Variants in PTPRN2 observed in about 807,000 individuals in gnomAD.
The protein encoded by PTPRN2 is protein tyrosine phosphatase receptor type N2.
PTPRN2 carries 74 observed loss-of-function variants against 118.8 expected under a neutral mutation model. That is an observed-to-expected ratio of 0.62 (90% CI 0.52 to 0.76). The LOEUF (loss-of-function observed/expected upper bound fraction) is 0.76. PTPRN2 is among the 30% of genes least tolerant of loss of function. PTPRN2 has a pLI of 0.00. For synonymous variants in PTPRN2, 641 were observed against 608.0 expected, an observed-to-expected ratio of 1.05 and a Z score of -0.80; for missense variants, 1,481 against 1,394.4, an observed-to-expected ratio of 1.06 and a Z score of -0.99.
chr7:157,578,457 C>G (rs1319304079), intron 17 of PTPRN2, among the ~76,000 whole-genome samples: 1 of 152,194 alleles, frequency 6.6e-6, no homozygotes, highest in Non-Finnish European at 1.5e-5. Flanking sequence ...CCACACATAA[C>G]AGCCAGCACT....
chr7:157,853,337 C>T (rs549355862), intron 12 of PTPRN2, among the ~76,000 whole-genome samples: 3 of 152,256 alleles, frequency 2.0e-5, no homozygotes, highest in South Asian at 2.1e-4. Flanking sequence ...TCAACAGGCA[C>T]GGCCCGCAGA....
intron 9 of PTPRN2, among the ~76,000 whole-genome samples, chr7:158,118,088 T>C (rs1174104144): frequency 2.0e-5 from 3 of 152,222 alleles, no homozygotes; most frequent in Non-Finnish European, 4.4e-5. Context: ...AAGAGACTAG[T>C]ACATATCTTA....
chr7:158,192,315 T>G lies in PTPRN2; in HGVS notation c.549+12A>C. The G allele has an allele frequency of 6.9e-7, 1 of 1,455,180 alleles. No homozygotes were observed. Among genetic ancestry groups the G allele is most frequent in the African/African-American group, 1.5e-5 (1 of 67,216 alleles). 90.1% of individuals were successfully genotyped at this position (1,455,180 alleles called of 1,614,324 possible). On this transcript the variant is annotated intron_variant, in intron 5 of 22. Coordinates refer to ENST00000389418, the MANE Select transcript of PTPRN2 (RefSeq NM_002847.5). ...AGCCAACCCCGGCCCGGGGAGGAAG[T>G]GGAAGGGTCACCTCAGCGGGGGGTC... is the stretch of plus-strand genomic sequence containing the variant.
intron 2 of PTPRN2, among the ~76,000 whole-genome samples, chr7:158,396,770 G>A (rs1157221462): frequency 1.3e-5 from 2 of 152,222 alleles, no homozygotes; most frequent in Non-Finnish European, 2.9e-5. Flanking sequence ...ACACACCAGC[G>A]GTGACCCGCC....
intron 3 of PTPRN2, among the ~76,000 whole-genome samples, chr7:158,316,536 C>A (rs989765513): frequency 1.3e-5 from 2 of 152,200 alleles, no homozygotes; most frequent in South Asian, 4.1e-4. Context: ...AAGCAGCCGA[C>A]GCCTGCCTAC....
chr7:157,788,882 G>A (rs923635680), intron 12 of PTPRN2, among the ~76,000 whole-genome samples: 6 of 152,218 alleles, frequency 3.9e-5, no homozygotes, highest in South Asian at 2.1e-4. Context: ...GCTGGAGGCC[G>A]CTGGAACCAC....
chr7:157,899,162 C>G (rs2128751939), intron 11 of PTPRN2, among the ~76,000 whole-genome samples: 1 of 152,328 alleles, frequency 6.6e-6, no homozygotes, highest in South Asian at 2.1e-4. Context: ...GAAGGCAAAG[C>G]TGAATGTGTG....
chr7:157,967,124 C>A (rs1802000714), intron 11 of PTPRN2, among the ~76,000 whole-genome samples: 1 of 152,110 alleles, frequency 6.6e-6, no homozygotes, highest in South Asian at 2.1e-4. Context: ...GTTTGAGAAC[C>A]ACCTGGGCAA....
Position 158,205,956 on chromosome 7 carries a change from G to A in PTPRN2, c.278-683C>T, listed in dbSNP as rs73746426. 8.6e-3 allele frequency among the ~76,000 whole-genome samples: 1,309 copies of A among 152,264 alleles called. 23 individuals are homozygous for A. Among genetic ancestry groups the A allele is most frequent in the African/African-American group, 0.03 (1,236 of 41,552 alleles). ...AGTTCTGACAAGCCTCACCACCATGGGCTAAAGTGCTCTGGGGTCCTAAAT... is the reference window on the plus strand; with the variant it reads ...AGTTCTGACAAGCCTCACCACCATGAGCTAAAGTGCTCTGGGGTCCTAAAT... On this transcript the variant is annotated intron_variant, in intron 3 of 22. Transcript: ENST00000389418.
chr7:157,548,582 G>A (rs1424533696), intron 22 of PTPRN2, among the ~76,000 whole-genome samples: 1 of 152,234 alleles, frequency 6.6e-6, no homozygotes, highest in Non-Finnish European at 1.5e-5. Context: ...GAGAGGCCGG[G>A]CAGCGCTCAG....
rs530093923 is a variant in PTPRN2 at position 158,557,685 on chromosome 7, T to G, written c.112+29873A>C. 6.0e-4 allele frequency among the ~76,000 whole-genome samples: 91 copies of G among 152,348 alleles called. 1 individual carries two copies. The highest frequency in any genetic ancestry group is 1.2e-3 in the Non-Finnish European group (81 of 68,034). ...TCACACCTTTAGAACCCACTGAGAT[T>G]TCTAAAGCTCCTCCTCTAGTGAGCA... On this transcript the variant is annotated intron_variant, in intron 1 of 22. Transcript: ENST00000389418.
chr7:158,117,011 T>C (rs969405156), intron 9 of PTPRN2, among the ~76,000 whole-genome samples: 1 of 151,788 alleles, frequency 6.6e-6, no homozygotes, highest in Non-Finnish European at 1.5e-5. Context: ...CAACAAAAAA[T>C]TGCAAGAAAC....
intron 1 of PTPRN2, among the ~76,000 whole-genome samples, chr7:158,496,106 C>A (rs1821824564): frequency 6.6e-6 from 1 of 151,890 alleles, no homozygotes; most frequent in African/African-American, 2.4e-5. Flanking sequence ...CTGGCAGCGG[C>A]CTGGACGGAA....
At position 157,790,703 on chromosome 7, in the gene PTPRN2, T is replaced by C. The variant is rs560599077; in HGVS notation, c.1789-107766A>G. ...TTACCATAAGATAATTAGAAGAAAA[T>C]ATAAAATACTTTTTAATCTTGGGTT... On this transcript the variant is annotated intron_variant, in intron 12 of 22. Transcript: ENST00000389418. 8.5e-5 allele frequency among the ~76,000 whole-genome samples: 13 copies of C among 152,260 alleles called. No individual in the cohort carries two copies. In the South Asian group the frequency reaches 2.7e-3, roughly 32 times the overall value.
At chr7:157,786,943 G>A (rs1391633278) in intron 12 of PTPRN2, among the ~76,000 whole-genome samples, 1 of 152,180 alleles carries the variant, frequency 6.6e-6, no homozygotes, top group Non-Finnish European at 1.5e-5. Flanking sequence ...CGCACACAGA[G>A]TGCCAGTGTC....
At chr7:157,872,059 T>C (rs1344569426) in intron 12 of PTPRN2, among the ~76,000 whole-genome samples, 32 of 88,174 alleles carry the variant, frequency 3.6e-4, no homozygotes, top group African/African-American at 1.5e-3. Context: ...ACACACCCAG[T>C]GTCCTCCCCA....
intron 9 of PTPRN2, among the ~76,000 whole-genome samples, chr7:158,124,879 C>G (rs1309201082): frequency 1.3e-5 from 2 of 152,204 alleles, no homozygotes; most frequent in African/African-American, 4.8e-5. Context: ...TTTGTCGAGT[C>G]CTCTTTGGGT....
chr7:157,731,045 G>A (rs1799869410), intron 12 of PTPRN2, among the ~76,000 whole-genome samples: 1 of 152,078 alleles, frequency 6.6e-6, no homozygotes, highest in African/African-American at 2.4e-5. Context: ...AGCCCTGGAC[G>A]AGGGGGTCCT....
intron 16 of PTPRN2, among the ~76,000 whole-genome samples, chr7:157,597,738 G>A (rs775576169): frequency 1.2e-4 from 19 of 152,192 alleles, no homozygotes; most frequent in Non-Finnish European, 1.9e-4. Flanking sequence ...GCTGGGAGGG[G>A]GATGGCTGAA....
Sources: allele counts gnomAD v4.1 joint callset (sites outside exome capture counted in the v4.1 genomes callset), GRCh38; gene constraint gnomAD v4.1.1; transcripts MANE v1.5; gene names NCBI Gene and HGNC (gene_info 2026-07-23, HGNC 2026-07-21).